Variants in PLPPR4 observed in about 807,000 individuals in gnomAD.
PLPPR4 encodes the protein phospholipid phosphatase related 4.
Under a neutral mutation model 56.6 loss-of-function variants are expected in PLPPR4, and 24 were observed. That is an observed-to-expected ratio of 0.42 (90% confidence interval 0.31 to 0.60). The LOEUF (loss-of-function observed/expected upper bound fraction) is 0.60, where lower values mean the gene tolerates loss of function less well. Ranked by LOEUF, PLPPR4 falls within the 20% of genes least tolerant of loss-of-function variation. The probability of loss-of-function intolerance (pLI) is 0.13; values close to 1 mark genes in which losing one functional copy is unlikely to be tolerated. For synonymous variants in PLPPR4, 326 were observed against 328.1 expected (o/e 0.99, Z 0.07); for missense variants, 654 against 885.8 (o/e 0.74, Z 3.32).
rs1311008939 is a variant in PLPPR4, at chr1:99,306,688, T to G, written c.1826T>G (p.Leu609Arg). 6.2e-7 allele frequency: 1 copy of G among 1,614,098 alleles called. No individual in the cohort carries two copies. Among genetic ancestry groups the G allele is most frequent in the Non-Finnish European group, 8.5e-7 (1 of 1,180,020 alleles). The part of the protein sequence containing the change: ...WKWKAPEKGS[L>R]RQTYELNDLN... ...TGGAAAGCCCCTGAAAAGGGCAGCC[T>G]TCGCCAAACTTACGAGCTCAACGAT... The change falls in exon 7 of 7, where the codon CTT becomes CGT. Residue 609 changes from leucine to arginine, a missense_variant. By Grantham distance (102) the Leu-to-Arg change is moderately radical (BLOSUM62 -2). Coordinates refer to ENST00000370185, the MANE Select transcript of PLPPR4 (RefSeq NM_014839.5). The surrounding 1 kb of genome is among the most constrained non-coding windows in gnomAD (Gnocchi z 4.0).
At chr1:99,290,863 C>T (rs1235165198) in intron 2 of PLPPR4, among the ~76,000 whole-genome samples, 1 of 151,994 alleles carries the variant, frequency 6.6e-6, no homozygotes, top group Non-Finnish European at 1.5e-5. Context: ...TAGGCAGTAC[C>T]ATTCAAGTCA....
chr1:99,266,917 G>A lies in PLPPR4; in HGVS notation c.78+2246G>A, dbSNP rs139698992. Among the ~76,000 whole-genome samples the A allele has an allele frequency of 1.1e-4, 17 of 152,302 alleles. No individual in the cohort carries two copies. The East Asian group carries it at 2.3e-3, about 21-fold the overall frequency. On this transcript the variant is annotated intron_variant, in intron 1 of 6. Coordinates refer to ENST00000370185, the MANE Select transcript of PLPPR4 (RefSeq NM_014839.5). ...AATGCACTAAATTTACATCTCCTTC[G>A]TAGGATGAATAAACATAGCTGGAAT...
At chr1:99,305,000 C>T (rs1659982547) in intron 6 of PLPPR4, among the ~76,000 whole-genome samples, 1 of 152,134 alleles carries the variant, frequency 6.6e-6, no homozygotes, top group Non-Finnish European at 1.5e-5. Flanking sequence ...TAAATAAAAT[C>T]TGGCTCACAT....
intron 1 of PLPPR4, among the ~76,000 whole-genome samples, chr1:99,269,997 T>G (rs992844734): frequency 9.7e-5 from 13 of 134,474 alleles, no homozygotes; most frequent in African/African-American, 2.8e-4. Context: ...TTCATTCCTT[T>G]TGTGTGTGTG....
intron 4 of PLPPR4, among the ~76,000 whole-genome samples, chr1:99,299,679 G>T (rs1659831679): frequency 6.6e-6 from 1 of 151,900 alleles, no homozygotes; most frequent in Non-Finnish European, 1.5e-5. Context: ...TTGAGGAGGG[G>T]TAACATCTAA....
chr1:99,301,337 T>C (rs1165187234), intron 5 of PLPPR4, among the ~76,000 whole-genome samples: 2 of 151,900 alleles, frequency 1.3e-5, no homozygotes, highest in East Asian at 1.9e-4. Context: ...CTTTAGTATT[T>C]CTGTAACAAT....
intron 1 of PLPPR4, among the ~76,000 whole-genome samples, chr1:99,266,256 T>C (rs1253487587): frequency 6.6e-6 from 1 of 152,190 alleles, no homozygotes; most frequent in Non-Finnish European, 1.5e-5. Flanking sequence ...TCAATGACAT[T>C]TGTCTAGGAG....
chr1:99,297,851 C>A (rs1233072106), intron 3 of PLPPR4, among the ~76,000 whole-genome samples: 3 of 152,048 alleles, frequency 2.0e-5, no homozygotes, highest in Non-Finnish European at 4.4e-5. Flanking sequence ...CCTAATGTAA[C>A]AAAATACTCT....
chr1:99,305,945 C>G lies in PLPPR4; in HGVS notation c.1083C>G (p.Asn361Lys). The G allele has an allele frequency of 6.2e-7, 1 of 1,614,096 alleles. No individual in the cohort carries two copies. The highest frequency in any genetic ancestry group is 1.1e-5 in the South Asian group (1 of 91,072). Residue 361 changes from asparagine to lysine, a missense_variant, in exon 7 of 7, where the codon AAC becomes AAG. This residue lies in a region of PLPPR4 where 468 missense variants were observed against 554.3 expected (regional missense o/e 0.84). Transcript: ENST00000370185. ...CACGGAGCCCCATGGGGAAGGAGAACATGGTTACCTTCAGCAATACCTTGC... is the reference window on the plus strand; with the variant it reads ...CACGGAGCCCCATGGGGAAGGAGAAGATGGTTACCTTCAGCAATACCTTGC... The part of the protein sequence containing the change: ...ITPRSPMGKE[N>K]MVTFSNTLPR...
chr1:99,268,021 C>G (rs1470850220), intron 1 of PLPPR4, among the ~76,000 whole-genome samples: 1 of 152,186 alleles, frequency 6.6e-6, no homozygotes, highest in African/African-American at 2.4e-5. Flanking sequence ...ACAACTTGCC[C>G]AATTTTATAA....
intron 2 of PLPPR4, among the ~76,000 whole-genome samples, chr1:99,292,083 A>G (rs1035904889): frequency 6.6e-6 from 1 of 152,208 alleles, no homozygotes; most frequent in East Asian, 1.9e-4. Flanking sequence ...TTAACATACT[A>G]CACAAATGAT....
At position 99,306,903 on chromosome 1, in the gene PLPPR4, C is replaced by G; in HGVS notation, c.2041C>G (p.Arg681Gly). 3 of 1,614,116 alleles carry G rather than the reference C, an allele frequency of 1.9e-6. No homozygotes were observed. The highest frequency in any genetic ancestry group is 2.5e-6 in the Non-Finnish European group (3 of 1,180,014). ...TTCTTCTTCCCGCGACTCCACCCTG[C>G]GGAGAAAGGGCAATATCATTCTAAT... Reference protein sequence around the residue: ...SISSSRDSTLRRKGNIILIPE... With the variant: ...SISSSRDSTLGRKGNIILIPE... The change falls in exon 7 of 7, where the codon CGG becomes GGG. Residue 681 changes from arginine (R) to glycine (G), a missense_variant. Transcript: ENST00000370185. This position sits in a 1 kb window ranked among gnomAD's most constrained non-coding sequence, Gnocchi z 4.0.
intron 1 of PLPPR4, among the ~76,000 whole-genome samples, chr1:99,274,359 A>C (rs899625980): frequency 3.9e-5 from 6 of 152,000 alleles, no homozygotes; most frequent in Non-Finnish European, 8.8e-5. Flanking sequence ...AAGAATTCTA[A>C]AGCAAAGACA....
chr1:99,303,237 AG>A (rs1482218612), intron 6 of PLPPR4, among the ~76,000 whole-genome samples: 5 of 152,112 alleles, frequency 3.3e-5, no homozygotes, highest in Non-Finnish European at 7.4e-5. Flanking sequence ...TGGAAGTGGA[AG>A]GTGGGGGAAC....
intron 6 of PLPPR4, among the ~76,000 whole-genome samples, chr1:99,304,681 C>A (rs928527075): frequency 6.6e-5 from 10 of 152,162 alleles, no homozygotes; most frequent in African/African-American, 2.4e-4. Context: ...GGAAAATTTT[C>A]AGTTCTAAGC....
At chr1:99,282,336 T>G (rs950978860) in intron 1 of PLPPR4, among the ~76,000 whole-genome samples, 4 of 152,176 alleles carry the variant, frequency 2.6e-5, no homozygotes, top group Non-Finnish European at 5.9e-5. Flanking sequence ...GTATCTCCAG[T>G]ACTAAACTCT....
chr1:99,277,465 T>C (rs951537124), intron 1 of PLPPR4, among the ~76,000 whole-genome samples: 1 of 152,154 alleles, frequency 6.6e-6, no homozygotes, highest in Non-Finnish European at 1.5e-5. Flanking sequence ...CCTCTTCAAT[T>C]AGGGTATGGA....
intron 2 of PLPPR4, among the ~76,000 whole-genome samples, chr1:99,289,681 C>G (rs143995294): frequency 6.6e-6 from 1 of 152,132 alleles, no homozygotes; most frequent in African/African-American, 2.4e-5. Flanking sequence ...AAAAACAGAA[C>G]TAAAGACAAA....
At chr1:99,292,430 A>G (rs899348430) in intron 2 of PLPPR4, among the ~76,000 whole-genome samples, 8 of 152,192 alleles carry the variant, frequency 5.3e-5, no homozygotes, top group African/African-American at 1.7e-4. Flanking sequence ...ATAAAAGGGA[A>G]AATACACCAT....
Sources: gnomAD v4.1 joint callset for allele counts (sites outside exome capture counted in the v4.1 genomes callset) on GRCh38, gnomAD v4.1.1 for gene constraint, gnomAD v4.1.1 regional missense constraint, Gnocchi (gnomAD v3.1) non-coding constraint, MANE v1.5 for transcripts, NCBI Gene and HGNC (gene_info 2026-07-23, HGNC 2026-07-21) for gene names.